Variants in DIP2C observed in about 807,000 individuals in gnomAD.
DIP2C encodes the protein disco-interacting protein 2 homolog C.
In DIP2C, 33 loss-of-function variants were observed where a neutral mutation model predicts 192.4. That is an observed-to-expected ratio of 0.17 (90% CI 0.13 to 0.23). The LOEUF (loss-of-function observed/expected upper bound fraction) is 0.23, where lower values mean the gene tolerates loss of function less well. DIP2C is among the 10% of genes least tolerant of loss of function. The probability of loss-of-function intolerance (pLI) is 1.00; values close to 1 mark genes in which losing one functional copy is unlikely to be tolerated. For missense variants in DIP2C, 1,537 were observed against 2,110.1 expected (o/e 0.73, Z 5.32); for synonymous variants, 979 against 864.1 (o/e 1.13, Z -2.33).
intron 1 of DIP2C, among the ~76,000 whole-genome samples, chr10:551,442 T>A (rs1272771108): frequency 1.3e-5 from 2 of 152,132 alleles, no homozygotes; most frequent in Non-Finnish European, 2.9e-5. Context: ...ACTCGGCTTC[T>A]CCTGGCCCCC....
At chr10:292,580 C>T (rs1430427758) in intron 32 of DIP2C, among the ~76,000 whole-genome samples, 1 of 152,176 alleles carries the variant, frequency 6.6e-6, no homozygotes, top group Non-Finnish European at 1.5e-5. Context: ...AGCGACGTCT[C>T]GGAAGGCTGA....
intron 1 of DIP2C, among the ~76,000 whole-genome samples, chr10:598,434 A>G (rs11813208): frequency 0.069 from 10,549 of 152,298 alleles, 916 homozygotes; most frequent in African/African-American, 0.2. Flanking sequence ...CCAGCCCACA[A>G]AACCGACATG....
chr10:276,200 A>G lies in DIP2C; in HGVS notation c.*1125T>C, dbSNP rs1400928497. On this transcript the variant is annotated 3_prime_UTR_variant, in exon 37 of 37. Coordinates refer to ENST00000280886, the MANE Select transcript of DIP2C (RefSeq NM_014974.3). ...CAGTATCATCAGCACACGCTGGCAT[A>G]AACACATTCACTGTTGTCCCACAGC... is the stretch of plus-strand genomic sequence containing the variant. 1 of 152,702 alleles carries G rather than the reference A, an allele frequency of 6.5e-6. No homozygotes were observed. Among genetic ancestry groups the G allele is most frequent in the Non-Finnish European group, 1.5e-5 (1 of 68,038 alleles). 9.5% of individuals were successfully genotyped at this position (152,702 alleles called of 1,614,324 possible).
intron 1 of DIP2C, chr10:649,920 G>A (rs914868084): frequency 3.4e-5 from 20 of 583,220 alleles, no homozygotes; most frequent in Admixed American, 9.4e-5. Flanking sequence ...CTGCGTCCCC[G>A]TGCGTCACGG....
intron 32 of DIP2C, among the ~76,000 whole-genome samples, chr10:292,788 C>T (rs1589404877): frequency 6.6e-6 from 1 of 152,196 alleles, no homozygotes; most frequent in Admixed American, 6.5e-5. Context: ...TCTCACTAAT[C>T]CTTCCCTGCA....
intron 29 of DIP2C, among the ~76,000 whole-genome samples, chr10:336,284 G>A (rs1210728328): frequency 6.6e-6 from 1 of 152,126 alleles, no homozygotes; most frequent in Non-Finnish European, 1.5e-5. Flanking sequence ...GTACAATGGT[G>A]GTCTCATGAG....
intron 6 of DIP2C, among the ~76,000 whole-genome samples, chr10:417,204 T>C (rs1965700470): frequency 6.6e-6 from 1 of 152,030 alleles, no homozygotes; most frequent in South Asian, 2.1e-4. Context: ...ATGTCAGAAT[T>C]GCCTCAGGGA....
Position 640,823 on chromosome 10 carries a change from G to T in DIP2C, c.85+48671C>A, listed in dbSNP as rs141778115. Among the ~76,000 whole-genome samples, 1,347 of 152,056 alleles carry T rather than the reference G, an allele frequency of 8.9e-3. 8 individuals are homozygous for T. The highest frequency in any genetic ancestry group is 0.013 in the Non-Finnish European group (874 of 67,948). On this transcript the variant is annotated intron_variant, in intron 1 of 36. Coordinates refer to ENST00000280886, the MANE Select transcript of DIP2C (RefSeq NM_014974.3). ...CCGAGAACCTGGGGGCAGCAAGGCC[G>T]GTCAAGGCTGGAGACTCCAACAGTG...
Position 384,007 on chromosome 10 carries a change from A to G in DIP2C, c.1876+20T>C. Reference sequence around the variant, plus strand: ...CTCCACAGCCCGCCTGCCTCACGAGATCACACGCTCCTCACTTACAGGGGT... The same window carrying G: ...CTCCACAGCCCGCCTGCCTCACGAGGTCACACGCTCCTCACTTACAGGGGT... On this transcript the variant is annotated intron_variant, in intron 16 of 36. Coordinates refer to ENST00000280886, the MANE Select transcript of DIP2C (RefSeq NM_014974.3). 1 of 1,520,498 alleles carries G rather than the reference A, an allele frequency of 6.6e-7. No homozygotes were observed. Among genetic ancestry groups the G allele is most frequent in the East Asian group, 2.5e-5 (1 of 39,290 alleles). The allele number at this position is 1,520,498 out of a possible 1,614,324, so 94.2% of individuals were successfully genotyped here. A position where few individuals can be genotyped will look rare whatever the true frequency, so the allele number is the denominator to read the frequency against.
At chr10:443,457 G>A (rs1253447662) in intron 3 of DIP2C, among the ~76,000 whole-genome samples, 3 of 152,182 alleles carry the variant, frequency 2.0e-5, no homozygotes, top group South Asian at 2.1e-4. Flanking sequence ...GCTCCTGCTA[G>A]TGAAGTATGG....
intron 17 of DIP2C, among the ~76,000 whole-genome samples, chr10:376,367 T>C (rs1961591656): frequency 6.6e-6 from 1 of 150,868 alleles, no homozygotes; most frequent in African/African-American, 2.5e-5. Flanking sequence ...AGAGCAAGAA[T>C]GAGGTGGTGC....
chr10:557,334 G>A (rs575535872), intron 1 of DIP2C, among the ~76,000 whole-genome samples: 136 of 152,226 alleles, frequency 8.9e-4, no homozygotes, highest in Middle Eastern at 3.4e-3. Flanking sequence ...GACAGGGCCA[G>A]AACCACTCAG....
At chr10:553,056 C>T (rs531997342) in intron 1 of DIP2C, among the ~76,000 whole-genome samples, 46 of 152,352 alleles carry the variant, frequency 3.0e-4, no homozygotes, top group African/African-American at 1.1e-3. Flanking sequence ...GCCTCCCACA[C>T]AGACCTGGGA....
Position 386,238 on chromosome 10 carries a change from A to G in DIP2C, c.1662+1507T>C, listed in dbSNP as rs76447363. On this transcript the variant is annotated intron_variant, in intron 14 of 36. Coordinates refer to ENST00000280886, the MANE Select transcript of DIP2C (RefSeq NM_014974.3). Reference sequence around the variant, plus strand: ...ATGCGTCAAACGTGTAGGTGGAGTGAGTGCTTCAACTTTAGGCCACAGAAT... The same window carrying G: ...ATGCGTCAAACGTGTAGGTGGAGTGGGTGCTTCAACTTTAGGCCACAGAAT... 5.7e-3 allele frequency among the ~76,000 whole-genome samples: 867 copies of G among 152,292 alleles called. 3 individuals carry two copies. The highest frequency in any genetic ancestry group is 0.014 in the Middle Eastern group (4 of 294).
intron 1 of DIP2C, among the ~76,000 whole-genome samples, chr10:556,789 C>A (rs1035573577): frequency 5.9e-5 from 9 of 152,154 alleles, no homozygotes; most frequent in African/African-American, 2.2e-4. Context: ...AGACAGAAAA[C>A]CACCCTAAAC....
chr10:349,212 T>C lies in DIP2C; in HGVS notation c.3109+119A>G, dbSNP rs1242582561. Reference sequence around the variant, plus strand: ...CTGGTTAGCATCCAGCTGGATACAGTGCAGACTCCCAGCCATGACGCGACC... The same window carrying C: ...CTGGTTAGCATCCAGCTGGATACAGCGCAGACTCCCAGCCATGACGCGACC... On this transcript the variant is annotated intron_variant, in intron 25 of 36. Coordinates refer to ENST00000280886, the MANE Select transcript of DIP2C (RefSeq NM_014974.3). The C allele has an allele frequency of 8.6e-6, 12 of 1,400,040 alleles. No individual in the cohort carries two copies. The South Asian group carries it at 1.6e-4, about 19-fold the overall frequency. 86.7% of individuals were successfully genotyped at this position (1,400,040 alleles called of 1,614,324 possible).
At chr10:660,563 C>T (rs182205281) in intron 1 of DIP2C, among the ~76,000 whole-genome samples, 6 of 152,242 alleles carry the variant, frequency 3.9e-5, no homozygotes, top group East Asian at 3.9e-4. Context: ...GTGAAGGAAA[C>T]GAAACAGACA....
At chr10:489,401 C>G (rs1193172743) in intron 1 of DIP2C, among the ~76,000 whole-genome samples, 1 of 152,214 alleles carries the variant, frequency 6.6e-6, no homozygotes, top group African/African-American at 2.4e-5. Context: ...AGACAGACGA[C>G]AGAGATGATG....
intron 1 of DIP2C, chr10:662,758 C>T (rs1327943991): frequency 7.7e-6 from 5 of 650,836 alleles, no homozygotes; most frequent in African/African-American, 5.5e-5. Context: ...TCTAACTTAT[C>T]TTATTTCTCT....
Sources: gnomAD v4.1 joint callset for allele counts (sites outside exome capture counted in the v4.1 genomes callset) on GRCh38, gnomAD v4.1.1 for gene constraint, MANE v1.5 for transcripts, NCBI Gene and HGNC (gene_info 2026-07-23, HGNC 2026-07-21) for gene names.